The following SPSB4 variants were observed in gnomAD, a reference collection of about 807,000 sequenced individuals.
SPSB4 encodes the protein splA/ryanodine receptor domain and SOCS box containing 4.
In SPSB4, 21 loss-of-function variants were observed where a neutral mutation model predicts 20.9. That is an observed-to-expected ratio of 1.01 (90% CI 0.71 to 1.45). SPSB4 has a LOEUF of 1.45. Ranked by LOEUF, SPSB4 falls within the 40% of genes most tolerant of loss-of-function variation. The probability of loss-of-function intolerance (pLI) is 0.00; values close to 1 mark genes in which losing one functional copy is unlikely to be tolerated. For missense variants in SPSB4, 399 were observed against 399.2 expected (o/e 1.00, Z 0.00); for synonymous variants, 207 against 183.8 (o/e 1.13, Z -1.02).
chr3:141,139,432 G>A (rs1208963555), intron 2 of SPSB4, among the ~76,000 whole-genome samples: 1 of 152,216 alleles, frequency 6.6e-6, no homozygotes, highest in Non-Finnish European at 1.5e-5. Flanking sequence ...TCCTAGCCTC[G>A]ATGGTCTTTA....
intron 2 of SPSB4, among the ~76,000 whole-genome samples, chr3:141,116,634 C>G (rs2107799977): frequency 6.6e-6 from 1 of 152,340 alleles, no homozygotes; most frequent in Middle Eastern, 3.4e-3. Flanking sequence ...TTCCTCCAGT[C>G]TGTAGCTGGC....
intron 2 of SPSB4, among the ~76,000 whole-genome samples, chr3:141,131,012 T>C (rs1352752713): frequency 6.6e-6 from 1 of 152,202 alleles, no homozygotes; most frequent in African/African-American, 2.4e-5. Context: ...GAGGCATTTG[T>C]AGAACCACAA....
chr3:141,087,803 CT>C (rs1559845584), intron 2 of SPSB4, among the ~76,000 whole-genome samples: 1 of 152,278 alleles, frequency 6.6e-6, no homozygotes, highest in East Asian at 1.9e-4. Flanking sequence ...GCAATTGTCT[CT>C]AGTCGCCTGT....
At chr3:141,141,417 A>G (rs1939326855) in intron 2 of SPSB4, among the ~76,000 whole-genome samples, 1 of 152,224 alleles carries the variant, frequency 6.6e-6, no homozygotes, top group Non-Finnish European at 1.5e-5. Context: ...CATCTTCTGC[A>G]TCGCTCACGC....
At chr3:141,128,220 A>T (rs1023572392) in intron 2 of SPSB4, among the ~76,000 whole-genome samples, 4 of 152,170 alleles carry the variant, frequency 2.6e-5, no homozygotes, top group African/African-American at 9.7e-5. Flanking sequence ...ATAGTGGCCC[A>T]GGTAATAGTG....
intron 1 of SPSB4, among the ~76,000 whole-genome samples, chr3:141,060,279 G>C (rs1221932751): frequency 6.6e-6 from 1 of 152,212 alleles, no homozygotes; most frequent in Non-Finnish European, 1.5e-5. Context: ...ACATGTTTAA[G>C]TGTCTTTTCA....
intron 2 of SPSB4, among the ~76,000 whole-genome samples, chr3:141,119,265 G>A (rs1938926345): frequency 1.3e-5 from 2 of 152,196 alleles, no homozygotes; most frequent in South Asian, 4.1e-4. Flanking sequence ...GTGAATGGGA[G>A]TTCACTCATG....
chr3:141,077,591 C>T (rs1446638436), intron 2 of SPSB4: 2 of 152,320 alleles, frequency 1.3e-5, no homozygotes, highest in Non-Finnish European at 2.9e-5. Flanking sequence ...AGGGTGAGAG[C>T]GTGTTTGCTT....
chr3:141,127,572 A>AT (rs146325407), intron 2 of SPSB4, among the ~76,000 whole-genome samples: 7,469 of 149,226 alleles, frequency 0.05, 589 homozygotes, highest in African/African-American at 0.17. Flanking sequence ...TTTCATGTGC[A>AT]TTTTTTTTTT....
chr3:141,059,672 A>ACAAATATC (rs1937725833), intron 1 of SPSB4, among the ~76,000 whole-genome samples: 1 of 152,198 alleles, frequency 6.6e-6, no homozygotes, highest in African/African-American at 2.4e-5. Context: ...TTGAGCAGGG[A>ACAAATATC]CAAATATCCA....
intron 2 of SPSB4, among the ~76,000 whole-genome samples, chr3:141,106,264 A>G (rs904425563): frequency 3.3e-5 from 5 of 152,128 alleles, no homozygotes; most frequent in Admixed American, 6.5e-5. Flanking sequence ...GTGGGTTTTG[A>G]GGTACCAGTT....
chr3:141,124,343 C>T (rs1348302654), intron 2 of SPSB4, among the ~76,000 whole-genome samples: 1 of 152,142 alleles, frequency 6.6e-6, no homozygotes, highest in Admixed American at 6.5e-5. Context: ...GGCAGGGAGA[C>T]CATATTTCCC....
In SPSB4 at chr3:141,135,379, A is replaced by G. The variant is rs1187306377; in HGVS notation, c.695-11763A>G. Among the ~76,000 whole-genome samples the G allele has an allele frequency of 2.1e-5, 3 of 145,668 alleles. No homozygotes were observed. In the Admixed American group the frequency reaches 2.3e-4, roughly 11 times the overall value. On this transcript the variant is annotated intron_variant, in intron 2 of 2. Coordinates refer to ENST00000310546, the MANE Select transcript of SPSB4 (RefSeq NM_080862.3). ...TTATTATTATACCTTAAGTTTTAGT[A>G]TACATGTGCACAACGTGCAGGTTTG...
chr3:141,057,814 A>G (rs1282364746), intron 1 of SPSB4, among the ~76,000 whole-genome samples: 1 of 152,234 alleles, frequency 6.6e-6, no homozygotes, highest in Non-Finnish European at 1.5e-5. Flanking sequence ...GTGCAGTAGT[A>G]TATATTTGAA....
At chr3:141,075,864 C>T (rs982863094) in intron 2 of SPSB4, among the ~76,000 whole-genome samples, 9 of 137,414 alleles carry the variant, frequency 6.5e-5, no homozygotes, top group African/African-American at 1.6e-4. Flanking sequence ...CTGTCCAACA[C>T]GACGAAACCC....
intron 2 of SPSB4, among the ~76,000 whole-genome samples, chr3:141,099,449 C>T (rs1037887504): frequency 2.6e-5 from 4 of 152,116 alleles, no homozygotes; most frequent in African/African-American, 9.7e-5. Context: ...GTATAGATTG[C>T]TTATAAGTAA....
At chr3:141,089,380 A>G (rs555509515) in intron 2 of SPSB4, among the ~76,000 whole-genome samples, 1 of 152,330 alleles carries the variant, frequency 6.6e-6, no homozygotes, top group South Asian at 2.1e-4. Flanking sequence ...AGACCTCAGA[A>G]AGGATACACA....
intron 2 of SPSB4, among the ~76,000 whole-genome samples, chr3:141,119,209 C>T (rs987887461): frequency 2.2e-4 from 34 of 152,142 alleles, no homozygotes; most frequent in African/African-American, 8.0e-4. Flanking sequence ...CCTTCACATC[C>T]CTTGTAAGTT....
chr3:141,142,503 G>T (rs750545428), intron 2 of SPSB4, among the ~76,000 whole-genome samples: 2 of 152,158 alleles, frequency 1.3e-5, no homozygotes, highest in Non-Finnish European at 2.9e-5. Flanking sequence ...CTGAAGAAAA[G>T]AATGTATATT....
Sources: gnomAD v4.1 joint callset for allele counts (sites outside exome capture counted in the v4.1 genomes callset) on GRCh38, gnomAD v4.1.1 for gene constraint, MANE v1.5 for transcripts, NCBI Gene and HGNC (gene_info 2026-07-23, HGNC 2026-07-21) for gene names.